Variants in SGSM3 observed in about 807,000 individuals in gnomAD.
SGSM3 encodes the protein RUN and SH3 containing 3.
Under a neutral mutation model 100.5 loss-of-function variants are expected in SGSM3, and 96 were observed. The ratio of observed to expected loss-of-function variants is 0.96; its 90% CI spans 0.81 to 1.13. The LOEUF is 1.13. Ranked by LOEUF, SGSM3 falls within the 50% of genes most tolerant of loss-of-function variation. SGSM3 has a pLI of 0.00. For synonymous variants in SGSM3, 483 were observed against 422.8 expected (o/e 1.14, Z -1.75); for missense variants, 1,001 against 1,015.8 (o/e 0.99, Z 0.20).
chr22:40,374,902 C>G (rs183216221), intron 1 of SGSM3, among the ~76,000 whole-genome samples: 3 of 152,196 alleles, frequency 2.0e-5, no homozygotes, highest in Admixed American at 2.0e-4. Flanking sequence ...CACATTGTAC[C>G]AGTACTATCA....
chr22:40,407,122 C>G lies in SGSM3; in HGVS notation c.1240+51C>G, dbSNP rs1321874580. 1 of 1,610,236 alleles carries G rather than the reference C, an allele frequency of 6.2e-7. No individual in the cohort carries two copies. Among genetic ancestry groups the G allele is most frequent in the Non-Finnish European group, 8.5e-7 (1 of 1,178,390 alleles). On this transcript the variant is annotated intron_variant, in intron 11 of 21. Coordinates refer to ENST00000248929, the MANE Select transcript of SGSM3 (RefSeq NM_015705.6). This position sits in a 1 kb window ranked among gnomAD's most constrained non-coding sequence, Gnocchi z 4.7. ...GTGTGGGCATGCGGGAGTCTGTCCT[C>G]ACGCTCATGTGGACGTGGAGCTTCC...
At chr22:40,379,445 C>T (rs2047201563) in intron 1 of SGSM3, 1 of 152,184 alleles carries the variant, frequency 6.6e-6, no homozygotes, top group Non-Finnish European at 1.5e-5. Context: ...CTGAGATCAC[C>T]TCTTCATAAG....
chr22:40,394,619 T>C (rs971462492), intron 1 of SGSM3, among the ~76,000 whole-genome samples: 7 of 136,024 alleles, frequency 5.1e-5, no homozygotes, highest in Non-Finnish European at 1.1e-4. Context: ...CACTCTAGCC[T>C]GGGTGACAGA....
At chr22:40,396,362 C>T (rs764136882) in intron 1 of SGSM3, among the ~76,000 whole-genome samples, 7 of 151,916 alleles carry the variant, frequency 4.6e-5, no homozygotes, top group Admixed American at 2.0e-4. Flanking sequence ...GAGGCCGAGG[C>T]GGGTGGCTCA....
At chr22:40,372,947 A>T (rs1229687386) in intron 1 of SGSM3, 1 of 152,232 alleles carries the variant, frequency 6.6e-6, no homozygotes, top group Non-Finnish European at 1.5e-5. Context: ...GAGCTCATGC[A>T]GACTGTCACA....
At chr22:40,408,021 C>G in intron 14 of SGSM3, 50 bp from the exon 15 acceptor site, 4 of 1,590,090 alleles carry the variant, frequency 2.5e-6, no homozygotes, top group Non-Finnish European at 3.4e-6. Context: ...TGTGTCTGCT[C>G]TGTCCTCGGC....
intron 1 of SGSM3, among the ~76,000 whole-genome samples, chr22:40,382,334 T>C (rs1376815810): frequency 6.6e-6 from 1 of 152,114 alleles, no homozygotes; most frequent in Non-Finnish European, 1.5e-5. Flanking sequence ...GCTGGGGGAT[T>C]GGTTGTTGGT....
chr22:40,408,612 G>A lies in SGSM3; in HGVS notation c.1783-15G>A. The A allele has an allele frequency of 6.2e-7, 1 of 1,613,674 alleles. No homozygotes were observed. The highest frequency in any genetic ancestry group is 8.5e-7 in the Non-Finnish European group (1 of 1,179,872). On this transcript the variant is annotated splice_polypyrimidine_tract_variant and intron_variant, in intron 16 of 21. Coordinates refer to ENST00000248929, the MANE Select transcript of SGSM3 (RefSeq NM_015705.6). ...CTTCCTGTCCCTGCACTCACACCGT[G>A]TGCTGTCCCCACAGGCTGCAGGCCG... is the stretch of plus-strand genomic sequence containing the variant.
Position 40,404,406 on chromosome 22 carries a change from A to T in SGSM3, c.317A>T (p.Lys106Met). 1 of 1,607,912 alleles carries T rather than the reference A, an allele frequency of 6.2e-7. No individual in the cohort carries two copies. Among genetic ancestry groups the T allele is most frequent in the Non-Finnish European group, 8.5e-7 (1 of 1,176,618 alleles). The change falls in exon 5 of 22, where the codon AAG becomes ATG. Residue 106 changes from lysine (K) to methionine (M), a missense_variant. Lys to Met is a moderately conservative substitution (Grantham distance 95). Transcript: ENST00000248929. ...GCCGTCTCCCTACCCCGCTCTGAGA[A>T]GCTCCGCTCCCTGGTGCTGGCCGGC... ...KIAVSLPRSE[K>M]LRSLVLAGIP...
chr22:40,410,084 A>G lies in SGSM3; in HGVS notation c.*325A>G. On this transcript the variant is annotated 3_prime_UTR_variant, in exon 22 of 22. Coordinates refer to ENST00000248929, the MANE Select transcript of SGSM3 (RefSeq NM_015705.6). The stretch of plus-strand genomic sequence containing the variant: ...GGCTCCTGGCCTCTTTGGTTTATAA[A>G]TAAACTGTGTCTGTCTTTGAGAAAG... 1 of 1,222,072 alleles carries G rather than the reference A, an allele frequency of 8.2e-7. No homozygotes were observed. 75.7% of individuals were successfully genotyped at this position (1,222,072 alleles called of 1,614,324 possible). A position where few individuals can be genotyped will look rare whatever the true frequency, so the allele number is the denominator to read the frequency against.
At position 40,408,173 on chromosome 22, in the gene SGSM3, G is replaced by A. The variant is rs2051917615; in HGVS notation, c.1629+53G>A. The A allele has an allele frequency of 1.4e-5, 22 of 1,607,890 alleles. No homozygotes were observed. The South Asian group carries it at 2.3e-4, about 17-fold the overall frequency. Reference sequence around the variant, plus strand: ...GCTGGCACCCTTCTAGCCAGGGCCTGCGTGCCTAGCGAGTCCTGGCCTGTA... The same window carrying A: ...GCTGGCACCCTTCTAGCCAGGGCCTACGTGCCTAGCGAGTCCTGGCCTGTA... On this transcript the variant is annotated intron_variant, in intron 15 of 21. Transcript: ENST00000248929.
chr22:40,389,699 G>C (rs957420305), intron 1 of SGSM3, among the ~76,000 whole-genome samples: 1 of 151,300 alleles, frequency 6.6e-6, no homozygotes, highest in African/African-American at 2.4e-5. Flanking sequence ...CCTGAGGTCA[G>C]GAGTTCGAGA....
chr22:40,393,007 T>G (rs889767697), intron 1 of SGSM3, among the ~76,000 whole-genome samples: 1 of 152,262 alleles, frequency 6.6e-6, no homozygotes, highest in Non-Finnish European at 1.5e-5. Context: ...GTAGCACATA[T>G]CAGTATTTCA....
At chr22:40,372,152 A>G (rs1459866277) in intron 1 of SGSM3, among the ~76,000 whole-genome samples, 1 of 86,868 alleles carries the variant, frequency 1.2e-5, no homozygotes, top group African/African-American at 4.6e-5. Flanking sequence ...TTTGAGACGG[A>G]GTCTCGCTCT....
rs543174952 is a variant in SGSM3, at chr22:40,370,850, G to C, written c.-112+162G>C. ...CCTCGGGCCGGAGAGCCGCCGGGCC[G>C]ACCTTGCTCGCGTCGCCGTTGGAAT... On this transcript the variant is annotated intron_variant, in intron 1 of 21. Transcript: ENST00000248929. Among the ~76,000 whole-genome samples, 8 of 152,264 alleles carry C rather than the reference G, an allele frequency of 5.3e-5. No individual in the cohort carries two copies. The South Asian group carries it at 6.2e-4, about 12-fold the overall frequency.
chr22:40,402,314 G>A (rs2050858921), intron 4 of SGSM3, 109 bp downstream of exon 4: 2 of 841,922 alleles, frequency 2.4e-6, no homozygotes, highest in Admixed American at 1.8e-5. Flanking sequence ...GATGCGTCAG[G>A]GTTCCAGATT....
intron 1 of SGSM3, among the ~76,000 whole-genome samples, chr22:40,383,999 A>G (rs2048016584): frequency 6.6e-6 from 1 of 152,188 alleles, no homozygotes; most frequent in South Asian, 2.1e-4. Flanking sequence ...CTGTAATCCT[A>G]ACACTTTGGG....
chr22:40,393,336 G>A (rs575144215), intron 1 of SGSM3, among the ~76,000 whole-genome samples: 36 of 152,246 alleles, frequency 2.4e-4, no homozygotes, highest in Non-Finnish European at 3.7e-4. Flanking sequence ...CAGGCTGGTC[G>A]CAAACTCCTG....
intron 1 of SGSM3, among the ~76,000 whole-genome samples, chr22:40,386,457 C>G (rs1459747688): frequency 1.3e-5 from 2 of 151,588 alleles, no homozygotes; most frequent in Admixed American, 1.3e-4. Flanking sequence ...CTAGCTGTTT[C>G]CAAGTTTTTG....
Sources: gnomAD v4.1 joint callset for allele counts (sites outside exome capture counted in the v4.1 genomes callset) on GRCh38, gnomAD v4.1.1 for gene constraint, Gnocchi (gnomAD v3.1) non-coding constraint, MANE v1.5 for transcripts, NCBI Gene and HGNC (gene_info 2026-07-23, HGNC 2026-07-21) for gene names.